Variants in ZC3H12B observed in about 807,000 individuals in gnomAD.
The protein encoded by ZC3H12B is zinc finger CCCH-type containing 12B.
Under a neutral mutation model 43.9 loss-of-function variants are expected in ZC3H12B, and 7 were observed. The ratio of observed to expected loss-of-function variants is 0.16; its 90% confidence interval spans 0.09 to 0.30. The LOEUF (loss-of-function observed/expected upper bound fraction) is 0.30. ZC3H12B is among the 10% of genes least tolerant of loss of function. The pLI is 1.00. For missense variants in ZC3H12B, 475 were observed against 670.2 expected, an observed-to-expected ratio of 0.71 and a Z score of 3.22; for synonymous variants, 222 against 241.7, an observed-to-expected ratio of 0.92 and a Z score of 0.76.
At chrX:65,255,279 A>T in the ZC3H12B span, among the ~76,000 whole-genome samples, 3 of 111,837 alleles carry the variant, frequency 2.7e-5, no homozygotes, top group Non-Finnish European at 5.6e-5. Context: ...TCAAATTGAA[A>T]GAAAAAACGT....
At chrX:65,422,974 C>T (rs1400671531) in intron 3 of ZC3H12B, among the ~76,000 whole-genome samples, 1 of 86,403 alleles carries the variant, frequency 1.2e-5, no homozygotes, top group Non-Finnish European at 2.1e-5. Context: ...ACTGTGTTGC[C>T]TAGGCTGGAC....
intron 1 of ZC3H12B, among the ~76,000 whole-genome samples, 155 bp downstream of exon 3, chrX:65,366,921 G>T (rs773074752): frequency 2.7e-5 from 3 of 112,439 alleles, no homozygotes; most frequent in Non-Finnish European, 5.6e-5. Flanking sequence ...AGTACATAAT[G>T]AAAAACTTGG....
the ZC3H12B span, among the ~76,000 whole-genome samples, chrX:65,288,423 C>T: frequency 2.7e-5 from 3 of 111,595 alleles, no homozygotes; most frequent in African/African-American, 9.8e-5. Flanking sequence ...TACTAGCAGA[C>T]CAAATAAAAC....
chrX:65,247,719 G>C, the ZC3H12B span, among the ~76,000 whole-genome samples: 30 of 111,750 alleles, frequency 2.7e-4, no homozygotes, highest in South Asian at 0.011. Flanking sequence ...ACACACACTG[G>C]GGACTGTTGG....
chrX:65,406,812 C>A (rs1327708646), intron 3 of ZC3H12B, among the ~76,000 whole-genome samples: 7 of 112,695 alleles, frequency 6.2e-5, no homozygotes, highest in Non-Finnish European at 9.4e-5. Flanking sequence ...CGCCACCCCA[C>A]CCTCGCACGG....
chrX:65,215,217 C>T, the ZC3H12B span, among the ~76,000 whole-genome samples: 1 of 111,814 alleles, frequency 8.9e-6, no homozygotes, highest in Non-Finnish European at 1.9e-5. Flanking sequence ...AAGTCATCAA[C>T]TGCATTAGCC....
At chrX:65,207,156 G>A in the ZC3H12B span, among the ~76,000 whole-genome samples, 2 of 107,763 alleles carry the variant, frequency 1.9e-5, no homozygotes, top group Non-Finnish European at 3.8e-5. Context: ...CTCACTACTG[G>A]GTTTCTACTT....
rs181311149 is a variant in ZC3H12B, at chrX:65,505,448, A to G, written c.*2239A>G. On this transcript the variant is annotated 3_prime_UTR_variant, in exon 5 of 5. Coordinates refer to ENST00000338957, the Ensembl canonical transcript of ZC3H12B. ...TGAGTTAACCACAGCTTTACATTCT[A>G]TCTCCTATCTTCTGATCTTCGTATA... 301 of 112,618 alleles carry G rather than the reference A, an allele frequency of 2.7e-3. 3 individuals are homozygous for G. Among genetic ancestry groups the G allele is most frequent in the Non-Finnish European group, 5.8e-4 (31 of 53,338 alleles). The allele number at this position is 112,618 out of a possible 1,213,427, so 9.3% of individuals were successfully genotyped here.
At chrX:65,257,347 G>A in the ZC3H12B span, among the ~76,000 whole-genome samples, 3 of 111,336 alleles carry the variant, frequency 2.7e-5, no homozygotes, top group Middle Eastern at 4.7e-3. Context: ...GCATACTATC[G>A]CAAGGACAGA....
the ZC3H12B span, among the ~76,000 whole-genome samples, chrX:65,134,805 G>A: frequency 1.8e-5 from 2 of 111,472 alleles, no homozygotes; most frequent in Non-Finnish European, 3.8e-5. Flanking sequence ...GGCTGAGTCT[G>A]AAAAGAGTCA....
intron 2 of ZC3H12B, among the ~76,000 whole-genome samples, chrX:65,373,126 C>T (rs1477815861): frequency 8.9e-6 from 1 of 112,179 alleles, no homozygotes; most frequent in Non-Finnish European, 1.9e-5. Flanking sequence ...CCATTCACCC[C>T]ACAGTACGAT....
the ZC3H12B span, among the ~76,000 whole-genome samples, chrX:65,140,350 G>A: frequency 1.8e-5 from 2 of 111,217 alleles, no homozygotes; most frequent in African/African-American, 6.5e-5. Context: ...CTATTTAGAT[G>A]ATCAACTGGT....
At chrX:65,355,892 T>C in the ZC3H12B span, among the ~76,000 whole-genome samples, 1 of 111,530 alleles carries the variant, frequency 9.0e-6, no homozygotes, top group African/African-American at 3.3e-5. Flanking sequence ...GAGGCAGAAG[T>C]TGCAGTGAGC....
the ZC3H12B span, among the ~76,000 whole-genome samples, chrX:65,113,822 A>C: frequency 1.9e-5 from 2 of 106,422 alleles, no homozygotes; most frequent in Non-Finnish European, 3.9e-5. Flanking sequence ...AGGTATGTAC[A>C]TTTCTAGACA....
the ZC3H12B span, among the ~76,000 whole-genome samples, chrX:65,178,368 C>T: frequency 8.0e-5 from 9 of 111,882 alleles, no homozygotes; most frequent in Admixed American, 3.8e-4. Context: ...GACTTCATGA[C>T]GAAAACACCA....
intron 3 of ZC3H12B, among the ~76,000 whole-genome samples, chrX:65,451,656 A>G (rs2067514754): frequency 8.9e-6 from 1 of 111,744 alleles, no homozygotes; most frequent in Non-Finnish European, 1.9e-5. Context: ...TGTCATTGTT[A>G]TATATGAAAA....
chrX:65,139,898 A>G, the ZC3H12B span, among the ~76,000 whole-genome samples: 1 of 111,198 alleles, frequency 9.0e-6, no homozygotes, highest in Admixed American at 9.6e-5. Context: ...GTTTGTTGTT[A>G]GTATATAGGA....
At chrX:65,310,151 G>A in the ZC3H12B span, among the ~76,000 whole-genome samples, 4 of 111,717 alleles carry the variant, frequency 3.6e-5, no homozygotes, top group Non-Finnish European at 7.5e-5. Context: ...TCGGGCCAGG[G>A]CAATCAGGCA....
chrX:65,117,946 G>T, the ZC3H12B span, among the ~76,000 whole-genome samples: 1 of 111,278 alleles, frequency 9.0e-6, no homozygotes, highest in African/African-American at 3.3e-5. Flanking sequence ...CCAGTACCAT[G>T]CTGTTTTGGT....
Sources: gnomAD v4.1 joint callset for allele counts (sites outside exome capture counted in the v4.1 genomes callset) on GRCh38, gnomAD v4.1.1 for gene constraint, MANE v1.5 for transcripts, NCBI Gene and HGNC (gene_info 2026-07-23, HGNC 2026-07-21) for gene names.